AFAP1: variants seen among roughly 807,000 people sequenced by gnomAD.
AFAP1 encodes the protein actin filament associated protein 1, also known as actin filament-associated protein 1.
Under a neutral mutation model 93.9 loss-of-function variants are expected in AFAP1, and 75 were observed. The observed-to-expected ratio is 0.80, with a 90% confidence interval of 0.66 to 0.97. The LOEUF (loss-of-function observed/expected upper bound fraction) is 0.97, where lower values mean the gene tolerates loss of function less well. AFAP1 is among the 50% of genes least tolerant of loss of function. The pLI, the probability that AFAP1 is intolerant of heterozygous loss-of-function variation, is 0.00. For synonymous variants in AFAP1, 517 were observed against 430.7 expected (o/e 1.20, Z -2.48); for missense variants, 1,201 against 1,050.8 (o/e 1.14, Z -1.98).
intron 1 of AFAP1, among the ~76,000 whole-genome samples, chr4:7,882,617 T>C (rs565348372): frequency 6.6e-6 from 1 of 152,036 alleles, no homozygotes. Flanking sequence ...TCTCAGCACT[T>C]TGGAAGGCCG....
At chr4:7,886,313 C>G (rs929606432) in intron 1 of AFAP1, among the ~76,000 whole-genome samples, 5 of 152,204 alleles carry the variant, frequency 3.3e-5, no homozygotes, top group African/African-American at 1.2e-4. Flanking sequence ...TTTGGGGACA[C>G]TCAATTTACA....
intron 8 of AFAP1, among the ~76,000 whole-genome samples, chr4:7,811,330 A>C (rs1257278524): frequency 6.6e-6 from 1 of 151,802 alleles, no homozygotes; most frequent in Admixed American, 6.6e-5. Flanking sequence ...GCAGGAACAA[A>C]TGAACCCACA....
chr4:7,844,153 C>T (rs370301544), intron 4 of AFAP1, among the ~76,000 whole-genome samples: 5 of 149,012 alleles, frequency 3.4e-5, no homozygotes, highest in African/African-American at 9.7e-5. Flanking sequence ...TGTGTCCCTC[C>T]CGGAAATTCA....
At chr4:7,906,828 C>G (rs1226517327) in intron 1 of AFAP1, among the ~76,000 whole-genome samples, 1 of 152,182 alleles carries the variant, frequency 6.6e-6, no homozygotes, top group Non-Finnish European at 1.5e-5. Context: ...CAAGAACAGC[C>G]TGGCCAATAT....
Position 7,843,205 on chromosome 4 carries a change from C to G in AFAP1, c.480G>C (p.Leu160=), listed in dbSNP as rs1254434279. The change falls in exon 5 of 18, where the codon CTG becomes CTC. Residue 160 remains leucine (L), a synonymous_variant. Coordinates refer to ENST00000420658, the MANE Select transcript of AFAP1 (RefSeq NM_001134647.2). ...LVKDAKICAF[L]LRKKRFGQWT... ...ACTGGCCGAACCGCTTCTTCCGCAGCAGGAAGGCGCAGATTTTGGCGTCCT... is the reference window on the plus strand; with the variant it reads ...ACTGGCCGAACCGCTTCTTCCGCAGGAGGAAGGCGCAGATTTTGGCGTCCT... 3 of 1,614,226 alleles carry G rather than the reference C, an allele frequency of 1.9e-6. No homozygotes were observed. The highest frequency in any genetic ancestry group is 2.5e-6 in the Non-Finnish European group (3 of 1,180,040).
At chr4:7,799,173 G>A in intron 10 of AFAP1, 1 of 799,334 alleles carries the variant, frequency 1.3e-6, no homozygotes, top group Non-Finnish European at 1.5e-6. Flanking sequence ...AGCTGAGACT[G>A]GAACCCAGCT....
At chr4:7,792,424 G>A (rs933724178) in intron 11 of AFAP1, among the ~76,000 whole-genome samples, 3 of 152,106 alleles carry the variant, frequency 2.0e-5, no homozygotes, top group Admixed American at 6.5e-5. Context: ...GCTCACCACG[G>A]CAGATGCAAA....
At chr4:7,925,133 T>C (rs991057042) in intron 1 of AFAP1, among the ~76,000 whole-genome samples, 3 of 152,094 alleles carry the variant, frequency 2.0e-5, no homozygotes, top group African/African-American at 7.2e-5. Flanking sequence ...CAACTCTGCC[T>C]GTCCTCATAG....
At chr4:7,802,521 T>C (rs565949444) in intron 9 of AFAP1, among the ~76,000 whole-genome samples, 4 of 152,204 alleles carry the variant, frequency 2.6e-5, no homozygotes, top group African/African-American at 4.8e-5. Context: ...TGAACCCCTG[T>C]TGGGAGTTAA....
intron 1 of AFAP1, among the ~76,000 whole-genome samples, chr4:7,884,267 C>T (rs1257656907): frequency 1.3e-5 from 2 of 152,186 alleles, no homozygotes; most frequent in Admixed American, 6.5e-5. Context: ...CCAATTAAAT[C>T]TCTTTTCTTT....
intron 3 of AFAP1, among the ~76,000 whole-genome samples, chr4:7,864,165 C>CCATTCCCAACCTCCCAT (rs1716129855): frequency 3.6e-5 from 2 of 54,914 alleles, no homozygotes; most frequent in Non-Finnish European, 4.1e-5. Flanking sequence ...TCATCACAAC[C>CCATTCCCAACCTCCCAT]CACAGGTCCT....
chr4:7,891,743 TAAAAAAAAA>T (rs778916445), intron 1 of AFAP1, among the ~76,000 whole-genome samples: 3 of 62,802 alleles, frequency 4.8e-5, no homozygotes, highest in Non-Finnish European at 9.0e-5. Flanking sequence ...ATGGTCTCAT[TAAAAAAAAA>T]AAAAAAAAAA....
chr4:7,844,312 C>A (rs1335289489), intron 4 of AFAP1, among the ~76,000 whole-genome samples: 1 of 152,110 alleles, frequency 6.6e-6, no homozygotes, highest in Non-Finnish European at 1.5e-5. Context: ...GCTCTGTCCC[C>A]ACCATGTGAG....
chr4:7,768,837 G>C lies in AFAP1; in HGVS notation c.2418+7C>G. 6.3e-7 allele frequency: 1 copy of C among 1,585,932 alleles called. No homozygotes were observed. The highest frequency in any genetic ancestry group is 8.6e-7 in the Non-Finnish European group (1 of 1,160,758). On this transcript the variant is annotated splice_region_variant and intron_variant, in intron 17 of 17. Coordinates refer to ENST00000420658, the MANE Select transcript of AFAP1 (RefSeq NM_001134647.2). ...ACACCCAGACACCCCCGGACATCAG[G>C]GCTTACCTTGGCCTTCCGCAGCACA...
intron 6 of AFAP1, among the ~76,000 whole-genome samples, chr4:7,831,060 A>G (rs1252789389): frequency 6.6e-6 from 1 of 152,228 alleles, no homozygotes; most frequent in Admixed American, 6.5e-5. Context: ...AAAGGGAAAA[A>G]AAGATTCTTA....
chr4:7,876,567 G>A (rs1173674780), intron 1 of AFAP1, among the ~76,000 whole-genome samples: 1 of 152,176 alleles, frequency 6.6e-6, no homozygotes, highest in Non-Finnish European at 1.5e-5. Context: ...ACACACAGAG[G>A]TGACACCCTC....
At chr4:7,848,420 G>A (rs1480469261) in intron 4 of AFAP1, among the ~76,000 whole-genome samples, 9 of 152,144 alleles carry the variant, frequency 5.9e-5, no homozygotes, top group Non-Finnish European at 8.8e-5. Context: ...GAAACTCTCC[G>A]TCTGAGAGGG....
chr4:7,874,138 G>A lies in AFAP1; in HGVS notation c.-2-2058C>T, dbSNP rs1011153229. Among the ~76,000 whole-genome samples, 3 of 152,164 alleles carry A rather than the reference G, an allele frequency of 2.0e-5. No homozygotes were observed. In the South Asian group the frequency reaches 6.2e-4, roughly 32 times the overall value. On this transcript the variant is annotated intron_variant, in intron 1 of 17. Coordinates refer to ENST00000420658, the MANE Select transcript of AFAP1 (RefSeq NM_001134647.2). Reference sequence around the variant, plus strand: ...GTGAACCATGATGTAACAAAGTCATGTATGGGTAAAAGATCCACCTAAAGA... The same window carrying A: ...GTGAACCATGATGTAACAAAGTCATATATGGGTAAAAGATCCACCTAAAGA...
chr4:7,872,953 A>G (rs1314408659), intron 1 of AFAP1, among the ~76,000 whole-genome samples: 1 of 149,942 alleles, frequency 6.7e-6, no homozygotes, highest in Admixed American at 6.6e-5. Context: ...AAAAAAAAAA[A>G]AAAAAAACTA....
Sources: gnomAD v4.1 joint callset for allele counts (sites outside exome capture counted in the v4.1 genomes callset) on GRCh38, gnomAD v4.1.1 for gene constraint, MANE v1.5 for transcripts, NCBI Gene and HGNC (gene_info 2026-07-23, HGNC 2026-07-21) for gene names.